The following KCNJ6 variants were observed in gnomAD, a reference collection of about 807,000 sequenced individuals.
The protein encoded by KCNJ6 is potassium inwardly rectifying channel subfamily J member 6.
Under a neutral mutation model 34.2 loss-of-function variants are expected in KCNJ6, and 9 were observed. The observed-to-expected ratio is 0.26, with a 90% CI of 0.16 to 0.46. The LOEUF is 0.46. Ranked by LOEUF, KCNJ6 falls within the 20% of genes least tolerant of loss-of-function variation. The pLI, the probability that KCNJ6 is intolerant of heterozygous loss-of-function variation, is 1.00. For synonymous variants in KCNJ6, 196 were observed against 207.1 expected (o/e 0.95, Z 0.46); for missense variants, 236 against 531.3 (o/e 0.44, Z 5.46).
At chr21:37,849,978 T>TA in intron 1 of KCNJ6, among the ~76,000 whole-genome samples, 1 of 152,362 alleles carries the variant, frequency 6.6e-6, no homozygotes, top group Admixed American at 6.5e-5. Flanking sequence ...GGAATGTCCC[T>TA]GAACAGCTGT....
intron 1 of KCNJ6, among the ~76,000 whole-genome samples, chr21:37,898,626 G>A (rs1537104): frequency 0.85 from 129,665 of 151,846 alleles, 55,911 homozygotes; most frequent in East Asian, 1. Flanking sequence ...GAAAAAGTCA[G>A]TAATGTGTTA....
At chr21:37,637,542 C>G (rs2054363314) in intron 3 of KCNJ6, among the ~76,000 whole-genome samples, 1 of 152,014 alleles carries the variant, frequency 6.6e-6, no homozygotes, top group Non-Finnish European at 1.5e-5. Context: ...TCAGTGTGTG[C>G]TCGGTGTGAG....
chr21:37,872,076 C>A (rs145443074), intron 1 of KCNJ6, among the ~76,000 whole-genome samples: 88 of 152,168 alleles, frequency 5.8e-4, no homozygotes, highest in African/African-American at 2.0e-3. Flanking sequence ...TGTAAGCACA[C>A]AAATCAAAGT....
chr21:37,804,532 C>A (rs2055284309), intron 2 of KCNJ6, among the ~76,000 whole-genome samples: 1 of 152,024 alleles, frequency 6.6e-6, no homozygotes, highest in African/African-American at 2.4e-5. Context: ...AGGTATTAAG[C>A]CTAGTACCCA....
chr21:37,840,845 A>C, intron 1 of KCNJ6, 136 bp from the exon 2 acceptor site: 1 of 577,502 alleles, frequency 1.7e-6, no homozygotes, highest in Non-Finnish European at 3.1e-6. Flanking sequence ...TAAATGAATA[A>C]AAAACCCACA....
chr21:37,733,106 A>C (rs1234735239), intron 2 of KCNJ6, among the ~76,000 whole-genome samples: 1 of 152,230 alleles, frequency 6.6e-6, no homozygotes, highest in African/African-American at 2.4e-5. Flanking sequence ...CTTGCAGTTA[A>C]GTGTTAGCAT....
At chr21:37,729,168 T>G (rs1479611214) in intron 2 of KCNJ6, among the ~76,000 whole-genome samples, 1 of 152,190 alleles carries the variant, frequency 6.6e-6, no homozygotes, top group African/African-American at 2.4e-5. Context: ...TGAATTTAAA[T>G]TTAGAATGTC....
chr21:37,795,422 C>T (rs907681474), intron 2 of KCNJ6, among the ~76,000 whole-genome samples: 5 of 152,076 alleles, frequency 3.3e-5, no homozygotes, highest in Non-Finnish European at 5.9e-5. Context: ...ATGGGATTTC[C>T]TTGGGTCATG....
chr21:37,914,894 T>G (rs1322779975), intron 1 of KCNJ6, among the ~76,000 whole-genome samples: 1 of 149,198 alleles, frequency 6.7e-6, no homozygotes, highest in Non-Finnish European at 1.5e-5. Context: ...CATCTCCAAC[T>G]CCCAAACACT....
chr21:37,760,561 G>T (rs2835943), intron 2 of KCNJ6, among the ~76,000 whole-genome samples: 43,454 of 152,154 alleles, frequency 0.29, 6,310 homozygotes, highest in Middle Eastern at 0.33. Context: ...ACAGCTTGGT[G>T]CTCCACACAG....
intron 3 of KCNJ6, among the ~76,000 whole-genome samples, chr21:37,648,161 G>C (rs921198977): frequency 1.5e-5 from 2 of 136,480 alleles, no homozygotes; most frequent in Non-Finnish European, 3.2e-5. Context: ...TGGCATTTCT[G>C]AGCATGCAGG....
At chr21:37,640,736 G>A (rs531206994) in intron 3 of KCNJ6, among the ~76,000 whole-genome samples, 4 of 152,276 alleles carry the variant, frequency 2.6e-5, no homozygotes, top group South Asian at 2.1e-4. Flanking sequence ...TTAAAGAGTC[G>A]CCCTTCATTT....
At chr21:37,811,862 G>A (rs2055324424) in intron 2 of KCNJ6, among the ~76,000 whole-genome samples, 1 of 152,136 alleles carries the variant, frequency 6.6e-6, no homozygotes, top group South Asian at 2.1e-4. Flanking sequence ...ATATGGAGAG[G>A]TGGTTATGCA....
chr21:37,629,329 G>T (rs992753880), intron 3 of KCNJ6, among the ~76,000 whole-genome samples: 1 of 151,996 alleles, frequency 6.6e-6, no homozygotes, highest in African/African-American at 2.4e-5. Flanking sequence ...TTTGTTGGGG[G>T]AAATATTAAT....
At chr21:37,703,918 C>T (rs905940476) in intron 3 of KCNJ6, among the ~76,000 whole-genome samples, 3 of 152,250 alleles carry the variant, frequency 2.0e-5, no homozygotes, top group African/African-American at 7.2e-5. Context: ...CTAATTCATC[C>T]ACCAAACCCA....
rs2054294778 is a variant in KCNJ6, at chr21:37,622,936, A to T, written c.*2223T>A. 1 of 152,198 alleles carries T rather than the reference A, an allele frequency of 6.6e-6. No individual in the cohort carries two copies. Among genetic ancestry groups the T allele is most frequent in the Non-Finnish European group, 1.5e-5 (1 of 68,036 alleles). The allele number at this position is 152,198 out of a possible 1,614,324, so 9.4% of individuals were successfully genotyped here. ...TGCCCTGCGACCCTGGCAAGGTTGCAGGGGAGCTCCCCAAGCCAAGAGTGC... is the reference window on the plus strand; with the variant it reads ...TGCCCTGCGACCCTGGCAAGGTTGCTGGGGAGCTCCCCAAGCCAAGAGTGC... On this transcript the variant is annotated 3_prime_UTR_variant, in exon 4 of 4. Transcript: ENST00000609713.
At chr21:37,789,757 C>T (rs891418163) in intron 2 of KCNJ6, among the ~76,000 whole-genome samples, 2 of 152,198 alleles carry the variant, frequency 1.3e-5, no homozygotes, top group African/African-American at 2.4e-5. Flanking sequence ...TGGTTTAGTG[C>T]GCTGTCGACC....
intron 3 of KCNJ6, among the ~76,000 whole-genome samples, chr21:37,673,372 CT>C (rs11307005): frequency 0.018 from 2,740 of 152,370 alleles, 60 homozygotes; most frequent in East Asian, 0.062. Context: ...TGGGCTGCCC[CT>C]GTCCCCTCCC....
intron 2 of KCNJ6, among the ~76,000 whole-genome samples, chr21:37,765,676 CA>C (rs1269190236): frequency 6.6e-6 from 1 of 152,038 alleles, no homozygotes; most frequent in South Asian, 2.1e-4. Flanking sequence ...GTGCATACTA[CA>C]AAAAAACCCC....
Sources: allele counts gnomAD v4.1 joint callset (sites outside exome capture counted in the v4.1 genomes callset), GRCh38; gene constraint gnomAD v4.1.1; transcripts MANE v1.5; gene names NCBI Gene and HGNC (gene_info 2026-07-23, HGNC 2026-07-21).